MREG: variants seen among roughly 807,000 people sequenced by gnomAD.
MREG encodes the protein dilute suppressor protein homolog.
MREG carries 31 observed loss-of-function variants against 28.5 expected under a neutral mutation model. The ratio of observed to expected loss-of-function variants is 1.09; its 90% CI spans 0.82 to 1.47. The LOEUF (loss-of-function observed/expected upper bound fraction) is 1.47. Among genes scored for constraint, MREG ranks in the 40% most tolerant of loss-of-function variants. The probability of loss-of-function intolerance (pLI) is 0.00; values close to 1 mark genes in which losing one functional copy is unlikely to be tolerated. For missense variants in MREG, 256 were observed against 257.4 expected (o/e 0.99, Z 0.04); for synonymous variants, 106 against 95.2 (o/e 1.11, Z -0.66).
chr2:215,954,156 T>C (rs1278807193), intron 2 of MREG, among the ~76,000 whole-genome samples: 1 of 152,184 alleles, frequency 6.6e-6, no homozygotes. Context: ...GTGGCTTACA[T>C]CTAATTGGCT....
chr2:216,024,501 AC>A (rs1694565717), intron 1 of MREG, among the ~76,000 whole-genome samples: 1 of 151,964 alleles, frequency 6.6e-6, no homozygotes, highest in Non-Finnish European at 1.5e-5. Context: ...AAGCCAAATG[AC>A]TTATCAAAGT....
intron 1 of MREG, among the ~76,000 whole-genome samples, chr2:216,001,305 T>A (rs1370703040): frequency 2.0e-5 from 3 of 152,176 alleles, no homozygotes; most frequent in African/African-American, 7.2e-5. Context: ...TCTCACCATA[T>A]CTAGCCCTGC....
chr2:216,001,301 C>T (rs1281546936), intron 1 of MREG, among the ~76,000 whole-genome samples: 1 of 152,166 alleles, frequency 6.6e-6, no homozygotes, highest in African/African-American at 2.4e-5. Context: ...GGGTTCTCAC[C>T]ATATCTAGCC....
At chr2:216,026,209 G>A (rs1434172581) in intron 1 of MREG, among the ~76,000 whole-genome samples, 1 of 152,200 alleles carries the variant, frequency 6.6e-6, no homozygotes, top group Admixed American at 6.5e-5. Context: ...GACAGAATAT[G>A]AAGAACAACT....
downstream of MREG, among the ~76,000 whole-genome samples, chr2:215,940,615 T>C (rs929092354): frequency 1.3e-5 from 2 of 152,328 alleles, no homozygotes; most frequent in African/African-American, 2.4e-5. Flanking sequence ...TTGGAAAATA[T>C]GTGATAGTGA....
intron 2 of MREG, among the ~76,000 whole-genome samples, chr2:215,995,511 C>CTCCCCCCCCCCCCCCCCCCG (rs1553553520): frequency 7.3e-6 from 1 of 136,124 alleles, no homozygotes; most frequent in African/African-American, 3.2e-5. Flanking sequence ...CCCACCCCAC[C>CTCCCCCCCCCCCCCCCCCCG]CCCCGCCACC....
At chr2:216,013,767 A>G (rs1694381421), upstream of MREG, 2 of 151,816 alleles carry the variant, frequency 1.3e-5, no homozygotes, top group Non-Finnish European at 2.9e-5. Flanking sequence ...ATCTATTCGT[A>G]CCTTTTATTG....
intron 1 of MREG, among the ~76,000 whole-genome samples, chr2:216,010,101 C>A (rs954625399): frequency 6.6e-6 from 1 of 152,062 alleles, no homozygotes; most frequent in Admixed American, 6.6e-5. Flanking sequence ...TTAGGACAGA[C>A]CCTAAATCCA....
chr2:215,968,765 T>A (rs1362722746), intron 2 of MREG, among the ~76,000 whole-genome samples: 1 of 152,176 alleles, frequency 6.6e-6, no homozygotes, highest in Non-Finnish European at 1.5e-5. Context: ...TCATTAGAAC[T>A]TTTTCTTTGA....
At chr2:216,026,929 A>C (rs1341035338) in intron 1 of MREG, among the ~76,000 whole-genome samples, 1 of 152,234 alleles carries the variant, frequency 6.6e-6, no homozygotes, top group African/African-American at 2.4e-5. Context: ...TCCATGTAGT[A>C]GGCTCTGGAT....
At chr2:215,988,639 C>T (rs1441043670) in intron 2 of MREG, among the ~76,000 whole-genome samples, 3 of 152,214 alleles carry the variant, frequency 2.0e-5, no homozygotes, top group Non-Finnish European at 2.9e-5. Context: ...CTAAGATCCA[C>T]TGGCTTGAAA....
chr2:216,023,027 C>T (rs773423408), intron 1 of MREG, among the ~76,000 whole-genome samples: 2 of 152,174 alleles, frequency 1.3e-5, no homozygotes, highest in African/African-American at 2.4e-5. Flanking sequence ...CCTTTAAATT[C>T]GTGTTTTTAG....
intron 2 of MREG, among the ~76,000 whole-genome samples, chr2:215,949,087 C>CTAATAATAATAATAATAATAATAA (rs58773562): frequency 8.0e-6 from 1 of 124,602 alleles, no homozygotes; most frequent in Admixed American, 8.7e-5. Context: ...ACTACTACTA[C>CTAATAATAATAATAATAATAATAA]TAATAATAAT....
At chr2:215,998,323 T>A (rs3770553) in intron 1 of MREG, among the ~76,000 whole-genome samples, 65,525 of 138,024 alleles carry the variant, frequency 0.47, 16,184 homozygotes, top group Non-Finnish European at 0.56. Context: ...AAAAAAAAAA[T>A]AATAATAATA....
intron 1 of MREG, among the ~76,000 whole-genome samples, chr2:216,026,462 GCGATCCTCC>G (rs980674129): frequency 1.4e-4 from 21 of 152,218 alleles, no homozygotes; most frequent in South Asian, 1.0e-3. Context: ...CCAGGGTCCA[GCGATCCTCC>G]CGTCTCAGCT....
chr2:215,949,232 C>T (rs912803991), intron 2 of MREG, among the ~76,000 whole-genome samples: 36 of 149,000 alleles, frequency 2.4e-4, no homozygotes, highest in Admixed American at 2.0e-4. Flanking sequence ...CACTGCACTT[C>T]GGCCTGGGTG....
chr2:216,029,819 G>C (rs1479241386), intron 1 of MREG, among the ~76,000 whole-genome samples: 1 of 152,232 alleles, frequency 6.6e-6, no homozygotes, highest in Non-Finnish European at 1.5e-5. Flanking sequence ...AGAGGAAAAG[G>C]AGATGGTTTA....
At chr2:215,966,309 C>G (rs1009439990) in intron 2 of MREG, among the ~76,000 whole-genome samples, 3 of 152,082 alleles carry the variant, frequency 2.0e-5, no homozygotes, top group African/African-American at 7.3e-5. Flanking sequence ...TTTGCTCATC[C>G]CGCCCCACTT....
chr2:216,018,707 C>G (rs539080725), intron 1 of MREG, among the ~76,000 whole-genome samples: 3 of 152,234 alleles, frequency 2.0e-5, no homozygotes, highest in Non-Finnish European at 4.4e-5. Flanking sequence ...AGTGGCATGA[C>G]TAATGTTACC....
Sources: allele counts gnomAD v4.1 joint callset (sites outside exome capture counted in the v4.1 genomes callset), GRCh38; gene constraint gnomAD v4.1.1; transcripts MANE v1.5; gene names NCBI Gene and HGNC (gene_info 2026-07-23, HGNC 2026-07-21).